The following D2HGDH variants were observed in gnomAD, a reference collection of about 807,000 sequenced individuals.
D2HGDH encodes the protein D-2-hydroxyglutarate dehydrogenase, mitochondrial.
In D2HGDH, 31 loss-of-function variants were observed where a neutral mutation model predicts 46.9. The observed-to-expected ratio is 0.66, with a 90% CI of 0.50 to 0.89. D2HGDH has a LOEUF of 0.89. D2HGDH is among the 40% of genes least tolerant of loss of function. The pLI, the probability that D2HGDH is intolerant of heterozygous loss-of-function variation, is 0.00. For missense variants in D2HGDH, 698 were observed against 720.8 expected (o/e 0.97, Z 0.36); for synonymous variants, 364 against 332.6 (o/e 1.09, Z -1.03).
chr2:241,745,159 C>A (rs62192009), intron 6 of D2HGDH, among the ~76,000 whole-genome samples: 83,557 of 152,060 alleles, frequency 0.55, 24,770 homozygotes, highest in African/African-American at 0.79. Flanking sequence ...TTCACCCCAT[C>A]GTGTTGGTTG....
intron 9 of D2HGDH, among the ~76,000 whole-genome samples, chr2:241,759,137 C>T (rs1306803885): frequency 4.6e-5 from 7 of 152,148 alleles, no homozygotes; most frequent in Admixed American, 6.5e-5. Flanking sequence ...GATCAGCCTT[C>T]GTAACTGTGG....
Position 241,749,046 on chromosome 2 carries a change from C to T in D2HGDH, c.854-1105C>T, listed in dbSNP as rs959188420. On this transcript the variant is annotated intron_variant, in intron 6 of 9. Transcript: ENST00000321264. Reference sequence around the variant, plus strand: ...CTGGTGTCCCTCGTGCTCGTGGGCTCGGTCCAGCTCTCCAGGGCCCCAGTC... The same window carrying T: ...CTGGTGTCCCTCGTGCTCGTGGGCTTGGTCCAGCTCTCCAGGGCCCCAGTC... The T allele has an allele frequency of 8.9e-5, 89 of 997,194 alleles. 5 individuals are homozygous for T. The highest frequency in any genetic ancestry group is 4.2e-4 in the Middle Eastern group (1 of 2,362). The allele number at this position is 997,194 out of a possible 1,614,324, so 61.8% of individuals were successfully genotyped here. A position where few individuals can be genotyped will look rare whatever the true frequency, so the allele number is the denominator to read the frequency against.
intron 8 of D2HGDH, among the ~76,000 whole-genome samples, chr2:241,754,339 C>T (rs1028490986): frequency 4.6e-5 from 7 of 152,168 alleles, no homozygotes; most frequent in Admixed American, 4.6e-4. Flanking sequence ...TCTGACCGAA[C>T]TAGCTCTAGA....
intron 7 of D2HGDH, among the ~76,000 whole-genome samples, 165 bp from the exon 8 acceptor site, chr2:241,751,081 G>A (rs976803006): frequency 2.6e-5 from 4 of 152,198 alleles, no homozygotes; most frequent in Non-Finnish European, 5.9e-5. Flanking sequence ...TAAACCTTCT[G>A]AAAGTCAGCT....
At position 241,757,449 on chromosome 2, in the gene D2HGDH, C is replaced by T. The variant is rs534367189; in HGVS notation, c.1306+1435C>T. On this transcript the variant is annotated intron_variant, in intron 9 of 9. Coordinates refer to ENST00000321264, the MANE Select transcript of D2HGDH (RefSeq NM_152783.5). ...TGTCATCATCCAGAGAAGAGGGGTA[C>T]GGGAGCCCCAATATTTCAGAATATG... Among the ~76,000 whole-genome samples, 14 of 128,312 alleles carry T rather than the reference C, an allele frequency of 1.1e-4. 2 individuals are homozygous for T. The South Asian group carries it at 3.2e-3, about 30-fold the overall frequency. The allele number at this position is 128,312 out of a possible 152,430, so 84.2% of individuals were successfully genotyped here.
At position 241,743,506 on chromosome 2, in the gene D2HGDH, C is replaced by T. The variant is rs893532903; in HGVS notation, c.491-116C>T. On this transcript the variant is annotated intron_variant, in intron 4 of 9. Transcript: ENST00000321264. This position sits in a 1 kb window ranked among gnomAD's most constrained non-coding sequence, Gnocchi z 4.8. The stretch of plus-strand genomic sequence containing the variant: ...GGGTGCCTCTTCTCCTCAGCCCTGG[C>T]GCTGAGGCTGATGTTCCTTCTGGGT... 39 of 1,200,068 alleles carry T rather than the reference C, an allele frequency of 3.2e-5. No individual in the cohort carries two copies. Among genetic ancestry groups the T allele is most frequent in the African/African-American group, 1.8e-4 (12 of 66,490 alleles). 74.3% of individuals were successfully genotyped at this position (1,200,068 alleles called of 1,614,324 possible).
At position 241,756,688 on chromosome 2, in the gene D2HGDH, A is replaced by AT. The variant is rs543333909; in HGVS notation, c.1306+679dup. On this transcript the variant is annotated intron_variant, in intron 9 of 9. Coordinates refer to ENST00000321264, the MANE Select transcript of D2HGDH (RefSeq NM_152783.5). ...AGGCGTCCACCACCAGGCCTGGCTA[A>AT]TTTTTGTATTTTTAGTAGAGACAGG... Among the ~76,000 whole-genome samples, 146 of 152,072 alleles carry AT rather than the reference A, an allele frequency of 9.6e-4. 1 individual carries two copies. The highest frequency in any genetic ancestry group is 1.3e-3 in the Non-Finnish European group (89 of 67,994).
At position 241,750,314 on chromosome 2, in the gene D2HGDH, G is replaced by T; in HGVS notation, c.997+20G>T. The T allele has an allele frequency of 6.2e-7, 1 of 1,609,848 alleles. No homozygotes were observed. The highest frequency in any genetic ancestry group is 1.3e-5 in the African/African-American group (1 of 74,910). Reference sequence around the variant, plus strand: ...TGCAAGGTACTGACCCCCCACACAGGGGGCAGCTGGTCCTGCAGCTCCTTC... The same window carrying T: ...TGCAAGGTACTGACCCCCCACACAGTGGGCAGCTGGTCCTGCAGCTCCTTC... On this transcript the variant is annotated intron_variant, in intron 7 of 9. Transcript: ENST00000321264.
rs184415927 is a variant in D2HGDH at position 241,747,664 on chromosome 2, A to G, written c.854-2487A>G. Among the ~76,000 whole-genome samples the G allele has an allele frequency of 2.0e-5, 3 of 151,018 alleles. No homozygotes were observed. In the Admixed American group the frequency reaches 2.0e-4, roughly 10 times the overall value. On this transcript the variant is annotated intron_variant, in intron 6 of 9. Coordinates refer to ENST00000321264, the MANE Select transcript of D2HGDH (RefSeq NM_152783.5). ...GCTCACTGCAGCCTTGAACTCCTGC[A>G]CTGAAGGGATCCTCCTGCCTCCCTA... is the stretch of plus-strand genomic sequence containing the variant.
chr2:241,744,486 G>A (rs928923475), intron 5 of D2HGDH, among the ~76,000 whole-genome samples: 1 of 152,204 alleles, frequency 6.6e-6, no homozygotes, highest in African/African-American at 2.4e-5. Flanking sequence ...CTGGGCTCAC[G>A]CCCTACTCCC....
rs147928755 is a variant in D2HGDH, at chr2:241,752,962, G to A, written c.1140+1574G>A. Among the ~76,000 whole-genome samples the A allele has an allele frequency of 8.1e-3, 1,076 of 132,154 alleles. 11 individuals are homozygous for A. Among genetic ancestry groups the A allele is most frequent in the African/African-American group, 0.028 (991 of 34,940 alleles). 86.7% of individuals were successfully genotyped at this position (132,154 alleles called of 152,430 possible). A position where few individuals can be genotyped will look rare whatever the true frequency, so the allele number is the denominator to read the frequency against. The stretch of plus-strand genomic sequence containing the variant: ...ACCCCCAGGGCGGACTGTCCCCAAC[G>A]CCCCCAGCCTCTGCACATCAGTCCC... On this transcript the variant is annotated intron_variant, in intron 8 of 9. Coordinates refer to ENST00000321264, the MANE Select transcript of D2HGDH (RefSeq NM_152783.5).
chr2:241,756,299 A>G (rs1698171746), intron 9 of D2HGDH, among the ~76,000 whole-genome samples: 1 of 152,210 alleles, frequency 6.6e-6, no homozygotes, highest in South Asian at 2.1e-4. Context: ...AGTGGCATGC[A>G]GGGTTGGAGG....
At chr2:241,759,115 G>A (rs1008286212) in intron 9 of D2HGDH, among the ~76,000 whole-genome samples, 6 of 152,154 alleles carry the variant, frequency 3.9e-5, no homozygotes, top group African/African-American at 1.4e-4. Flanking sequence ...AACTTGATCA[G>A]TGGCAGCTTA....
chr2:241,753,014 C>G (rs939692025), intron 8 of D2HGDH, among the ~76,000 whole-genome samples: 4 of 152,060 alleles, frequency 2.6e-5, no homozygotes, highest in Non-Finnish European at 4.4e-5. Context: ...TGGTCCAGTC[C>G]TAGACCTGTG....
chr2:241,767,740 C>T lies in D2HGDH; in HGVS notation c.1337C>T (p.Ala446Val), dbSNP rs746956176. The T allele has an allele frequency of 3.3e-5, 54 of 1,612,722 alleles. No individual in the cohort carries two copies. Among genetic ancestry groups the T allele is most frequent in the Non-Finnish European group, 4.4e-5 (52 of 1,179,590 alleles). ...GDGNLHLNVT[A>V]EAFSPSLLAA... ...GGTAACCTGCACCTCAATGTGACGG[C>T]GGAGGCCTTCAGCCCCTCGCTCCTG... Residue 446 changes from alanine to valine, a missense_variant, in exon 10 of 10, where the codon GCG (alanine) becomes GTG (valine). Physicochemically the swap from Ala to Val is moderately conservative, Grantham distance 64. Coordinates refer to ENST00000321264, the MANE Select transcript of D2HGDH (RefSeq NM_152783.5).
chr2:241,734,902 A>C, intron 1 of D2HGDH: 19 of 295,160 alleles, frequency 6.4e-5, no homozygotes, highest in Non-Finnish European at 7.6e-5. Flanking sequence ...GCTCGGAGGA[A>C]CGGGGTCCTG....
At chr2:241,750,354 C>G in intron 7 of D2HGDH, 60 bp downstream of exon 7, 3 of 1,338,268 alleles carry the variant, frequency 2.2e-6, no homozygotes, top group Non-Finnish European at 3.0e-6. Flanking sequence ...CGTCTGGACA[C>G]ATGGGACGGC....
intron 6 of D2HGDH, chr2:241,749,822 A>C: frequency 2.6e-6 from 1 of 386,320 alleles, no homozygotes; most frequent in Non-Finnish European, 4.9e-6. Context: ...CCCTCCTGGC[A>C]TCTGATGCTG....
intron 9 of D2HGDH, among the ~76,000 whole-genome samples, chr2:241,758,648 C>T (rs933450530): frequency 2.0e-5 from 3 of 152,180 alleles, no homozygotes; most frequent in African/African-American, 4.8e-5. Context: ...CAGTGGTTCA[C>T]GCCTATAATC....
Sources: gnomAD v4.1 joint callset for allele counts (sites outside exome capture counted in the v4.1 genomes callset) on GRCh38, gnomAD v4.1.1 for gene constraint, Gnocchi (gnomAD v3.1) non-coding constraint, MANE v1.5 for transcripts, NCBI Gene and HGNC (gene_info 2026-07-23, HGNC 2026-07-21) for gene names.